IQCJ: variants seen among roughly 807,000 people sequenced by gnomAD.
The protein encoded by IQCJ is IQ domain-containing protein J.
IQCJ carries 9 observed loss-of-function variants against 11.0 expected under a neutral mutation model. The ratio of observed to expected loss-of-function variants is 0.82; its 90% CI spans 0.49 to 1.43. The LOEUF is 1.43. IQCJ is among the 40% of genes most tolerant of loss of function. The pLI, the probability that IQCJ is intolerant of heterozygous loss-of-function variation, is 0.00. For synonymous variants in IQCJ, 55 were observed against 51.3 expected, an observed-to-expected ratio of 1.07 and a Z score of -0.31; for missense variants, 146 against 133.2, an observed-to-expected ratio of 1.10 and a Z score of -0.47.
chr3:159,108,795 A>C (rs144391526), intron 1 of IQCJ, among the ~76,000 whole-genome samples: 3 of 152,290 alleles, frequency 2.0e-5, no homozygotes, highest in African/African-American at 7.2e-5. Context: ...GAAATCACCA[A>C]AAACATCAAA....
At chr3:159,125,785 C>A (rs2108150320) in intron 1 of IQCJ, among the ~76,000 whole-genome samples, 1 of 152,350 alleles carries the variant, frequency 6.6e-6, no homozygotes, top group South Asian at 2.1e-4. Flanking sequence ...TCAGCCTAAT[C>A]AATCCAAATA....
intron 1 of IQCJ, among the ~76,000 whole-genome samples, chr3:159,096,263 T>TA (rs1262462366): frequency 6.7e-6 from 1 of 148,862 alleles, no homozygotes; most frequent in Non-Finnish European, 1.5e-5. Flanking sequence ...TTCTGGATAT[T>TA]AGCCCTTTGT....
intron 1 of IQCJ, among the ~76,000 whole-genome samples, chr3:159,215,643 G>T (rs571362174): frequency 1.3e-5 from 2 of 152,224 alleles, no homozygotes; most frequent in Non-Finnish European, 2.9e-5. Flanking sequence ...GTAGGAGAGA[G>T]AAGTCAATTG....
At chr3:159,083,657 C>T (rs2108062718) in intron 1 of IQCJ, among the ~76,000 whole-genome samples, 1 of 152,230 alleles carries the variant, frequency 6.6e-6, no homozygotes, top group South Asian at 2.1e-4. Flanking sequence ...CAACTGTACA[C>T]AAATGTACAT....
chr3:159,166,868 C>CTGT (rs1433746220), intron 1 of IQCJ, among the ~76,000 whole-genome samples: 1 of 152,126 alleles, frequency 6.6e-6, no homozygotes, highest in Non-Finnish European at 1.5e-5. Flanking sequence ...TTCCAAGAGG[C>CTGT]TGTTGGGAGT....
intron 1 of IQCJ, among the ~76,000 whole-genome samples, chr3:159,146,381 G>A (rs1412744932): frequency 6.6e-6 from 1 of 152,152 alleles, no homozygotes; most frequent in Non-Finnish European, 1.5e-5. Context: ...GCAGTCACAG[G>A]CACTGTTTTC....
At chr3:159,259,728 A>G (rs1398643450) in intron 3 of IQCJ, among the ~76,000 whole-genome samples, 1 of 152,234 alleles carries the variant, frequency 6.6e-6, no homozygotes, top group Admixed American at 6.5e-5. Flanking sequence ...CCATCATTAA[A>G]AAACAATGTA....
intron 1 of IQCJ, among the ~76,000 whole-genome samples, chr3:159,238,630 C>T (rs1451922029): frequency 6.6e-6 from 1 of 152,024 alleles, no homozygotes; most frequent in East Asian, 1.9e-4. Flanking sequence ...ATAAGGATCA[C>T]CAGAGGTTGC....
intron 1 of IQCJ, among the ~76,000 whole-genome samples, chr3:159,132,712 G>T (rs1181281511): frequency 1.3e-5 from 2 of 152,292 alleles, no homozygotes; most frequent in East Asian, 3.9e-4. Flanking sequence ...CATTTAGGAA[G>T]ATGTCGTATC....
chr3:159,134,277 A>G (rs1720159646), intron 1 of IQCJ, among the ~76,000 whole-genome samples: 1 of 152,180 alleles, frequency 6.6e-6, no homozygotes, highest in South Asian at 2.1e-4. Flanking sequence ...AAACACAATT[A>G]TGGGAATAAT....
chr3:159,184,455 C>G (rs1463466500), intron 1 of IQCJ, among the ~76,000 whole-genome samples: 1 of 152,116 alleles, frequency 6.6e-6, no homozygotes, highest in African/African-American at 2.4e-5. Flanking sequence ...CATTTATTTG[C>G]TTGTCTGTTT....
chr3:159,180,618 A>G (rs1276077995), intron 1 of IQCJ, among the ~76,000 whole-genome samples: 1 of 152,010 alleles, frequency 6.6e-6, no homozygotes, highest in African/African-American at 2.4e-5. Flanking sequence ...AGTGAAAACA[A>G]AAACATGTAG....
At chr3:159,236,413 G>T (rs2108168098) in intron 1 of IQCJ, among the ~76,000 whole-genome samples, 1 of 152,266 alleles carries the variant, frequency 6.6e-6, no homozygotes, top group Admixed American at 6.5e-5. Flanking sequence ...AGGGATAGAA[G>T]GGAAGTGGCA....
intron 1 of IQCJ, among the ~76,000 whole-genome samples, chr3:159,146,559 G>C (rs1287470538): frequency 6.6e-6 from 1 of 152,132 alleles, no homozygotes; most frequent in Non-Finnish European, 1.5e-5. Flanking sequence ...AGAATCAAGG[G>C]TGTGTTCATG....
chr3:159,211,426 G>C (rs1560027079), intron 1 of IQCJ, among the ~76,000 whole-genome samples: 1 of 152,202 alleles, frequency 6.6e-6, no homozygotes, highest in African/African-American at 2.4e-5. Flanking sequence ...AGTTTAAGTG[G>C]TTGCCCACTG....
Position 159,069,335 on chromosome 3 carries a change from C to A in IQCJ, c.-98C>A. The A allele has an allele frequency of 6.8e-7, 1 of 1,470,504 alleles. No individual in the cohort carries two copies. The highest frequency in any genetic ancestry group is 1.5e-5 in the South Asian group (1 of 65,412). The allele number at this position is 1,470,504 out of a possible 1,614,324, so 91.1% of individuals were successfully genotyped here. ...TCCAGCCTCACACTCGCCTCACATTCCCCCACAGTCACATTGCGCTCTGTG... is the reference window on the plus strand; with the variant it reads ...TCCAGCCTCACACTCGCCTCACATTACCCCACAGTCACATTGCGCTCTGTG... On this transcript the variant is annotated 5_prime_UTR_variant, in exon 1 of 4. Transcript: ENST00000397832.
chr3:159,093,511 C>T (rs1717495093), intron 1 of IQCJ, among the ~76,000 whole-genome samples: 2 of 151,766 alleles, frequency 1.3e-5, no homozygotes, highest in African/African-American at 4.9e-5. Flanking sequence ...CTGTATTGTG[C>T]CTTGCCCTCG....
chr3:159,211,504 G>C (rs1724949613), intron 1 of IQCJ, among the ~76,000 whole-genome samples: 1 of 152,184 alleles, frequency 6.6e-6, no homozygotes, highest in African/African-American at 2.4e-5. Context: ...GTAGATGAGG[G>C]ACAAGTTGTG....
At chr3:159,115,762 T>A (rs1029604441) in intron 1 of IQCJ, among the ~76,000 whole-genome samples, 4 of 151,902 alleles carry the variant, frequency 2.6e-5, no homozygotes, top group African/African-American at 7.3e-5. Flanking sequence ...TCTAAAAAAA[T>A]GTTTTTTTTA....
Sources: gnomAD v4.1 joint callset for allele counts (sites outside exome capture counted in the v4.1 genomes callset) on GRCh38, gnomAD v4.1.1 for gene constraint, MANE v1.5 for transcripts, NCBI Gene and HGNC (gene_info 2026-07-23, HGNC 2026-07-21) for gene names.